The following EPB41 variants were observed in gnomAD, a reference collection of about 807,000 sequenced individuals.
EPB41 encodes protein 4.1.
Under a neutral mutation model 108.0 loss-of-function variants are expected in EPB41, and 65 were observed. That is an observed-to-expected ratio of 0.60 (90% CI 0.49 to 0.74). The LOEUF is 0.74. Among genes scored for constraint, EPB41 ranks in the 30% least tolerant of loss-of-function variants. The probability of loss-of-function intolerance (pLI) is 0.00; values close to 1 mark genes in which losing one functional copy is unlikely to be tolerated. For missense variants in EPB41, 875 were observed against 1,037.0 expected (o/e 0.84, Z 2.15); for synonymous variants, 336 against 358.9 (o/e 0.94, Z 0.72).
intron 7 of EPB41, among the ~76,000 whole-genome samples, chr1:29,020,584 A>G (rs965124680): frequency 6.6e-6 from 1 of 152,120 alleles, no homozygotes; most frequent in Admixed American, 6.5e-5. Flanking sequence ...AAAAGAAAAT[A>G]TTTTACTGCT....
At chr1:29,099,377 T>C (rs999116839) in intron 17 of EPB41, among the ~76,000 whole-genome samples, 1 of 152,048 alleles carries the variant, frequency 6.6e-6, no homozygotes, top group Non-Finnish European at 1.5e-5. Context: ...CAGGCTGAAG[T>C]GCAGGTGGCA....
chr1:29,047,790 G>T (rs553087046), intron 11 of EPB41, among the ~76,000 whole-genome samples: 18 of 150,550 alleles, frequency 1.2e-4, no homozygotes, highest in African/African-American at 2.7e-4. Context: ...ATGTATGTAT[G>T]TATGTATTTA....
chr1:28,931,991 T>A (rs1008667213), intron 1 of EPB41, among the ~76,000 whole-genome samples: 36 of 152,364 alleles, frequency 2.4e-4, no homozygotes, highest in Admixed American at 2.1e-3. Context: ...TCTTAAGAGA[T>A]GAACCAAGAG....
chr1:29,031,424 T>G (rs1358577195), intron 8 of EPB41, among the ~76,000 whole-genome samples: 1 of 152,176 alleles, frequency 6.6e-6, no homozygotes, highest in Non-Finnish European at 1.5e-5. Flanking sequence ...TAGAATGTCT[T>G]GGTTTAATGA....
intron 8 of EPB41, 44 bp downstream of exon 8, chr1:29,030,531 T>C (rs771474730): frequency 1.3e-5 from 18 of 1,347,694 alleles, no homozygotes; most frequent in Non-Finnish European, 1.8e-5. Flanking sequence ...GTGGAAGATA[T>C]TATATGATAC....
chr1:28,986,135 C>T (rs112096521), intron 1 of EPB41, among the ~76,000 whole-genome samples: 6,725 of 151,870 alleles, frequency 0.044, 215 homozygotes, highest in Non-Finnish European at 0.067. Flanking sequence ...CCAATTTCAT[C>T]CATGTCCCTA....
At position 28,997,311 on chromosome 1, in the gene EPB41, A is replaced by T; in HGVS notation, c.778A>T (p.Thr260Ser). ...TGGTCTAGCCATTTGGGATAACGCA[A>T]CCTCTAAGGTGAGGAGACTGCTTGC... is the stretch of plus-strand genomic sequence containing the variant. ...YFGLAIWDNATSKTWLDSAKE... is the reference protein window; with the variant it reads ...YFGLAIWDNASSKTWLDSAKE... The change falls in exon 4 of 21, where the codon ACC (threonine) becomes TCC (serine). Residue 260 changes from threonine (T) to serine (S), a missense_variant. By Grantham distance (58) the Thr-to-Ser change is moderately conservative. Transcript: ENST00000343067. 2 of 1,602,752 alleles carry T rather than the reference A, an allele frequency of 1.2e-6. No homozygotes were observed. Among genetic ancestry groups the T allele is most frequent in the Non-Finnish European group, 1.7e-6 (2 of 1,169,666 alleles).
At position 29,111,450 on chromosome 1, in the gene EPB41, G is replaced by T. The variant is rs1574075455; in HGVS notation, c.2416-918G>T. Among the ~76,000 whole-genome samples the T allele has an allele frequency of 2.0e-5, 3 of 151,556 alleles. No homozygotes were observed. In the Middle Eastern group the frequency reaches 0.01, roughly 519 times the overall value. On this transcript the variant is annotated intron_variant, in intron 18 of 20. Transcript: ENST00000343067. ...GGCGGGCAGATCACGAGGTCAAGAG[G>T]TCGAGACCATCCTAGCTGACAAAAA...
At chr1:29,096,950 A>C (rs1338076986) in intron 16 of EPB41, 2 of 152,202 alleles carry the variant, frequency 1.3e-5, no homozygotes, top group Non-Finnish European at 2.9e-5. Flanking sequence ...CCATGCTTAA[A>C]AAATTCAAAT....
At chr1:29,112,969 GGT>G (rs1669704175) in intron 19 of EPB41, among the ~76,000 whole-genome samples, 2 of 152,130 alleles carry the variant, frequency 1.3e-5, no homozygotes. Flanking sequence ...AGCATAGTAT[GGT>G]GGACAAGACA....
intron 11 of EPB41, among the ~76,000 whole-genome samples, chr1:29,052,885 C>G (rs1644761543): frequency 6.6e-6 from 1 of 152,154 alleles, no homozygotes; most frequent in Non-Finnish European, 1.5e-5. Context: ...ATCATTAACA[C>G]ATTTTAGCCT....
intron 15 of EPB41, 23 bp downstream of exon 15, chr1:29,060,507 TTTCAG>T: frequency 6.3e-7 from 1 of 1,598,186 alleles, no homozygotes; most frequent in Non-Finnish European, 8.6e-7. Context: ...TTGAAGCTTA[TTTCAG>T]TTGGTTGCCT....
chr1:29,069,487 C>G, intron 16 of EPB41: 1 of 1,181,312 alleles, frequency 8.5e-7, no homozygotes, highest in East Asian at 3.5e-5. Flanking sequence ...ACATTATAAA[C>G]TTTTATACTT....
intron 1 of EPB41, among the ~76,000 whole-genome samples, chr1:28,947,748 C>G (rs2094540672): frequency 6.6e-6 from 1 of 152,010 alleles, no homozygotes; most frequent in South Asian, 2.1e-4. Flanking sequence ...TCACTTGAAC[C>G]CAGGAGTCGG....
intron 1 of EPB41, among the ~76,000 whole-genome samples, chr1:28,967,831 G>C (rs1014306042): frequency 4.0e-5 from 5 of 124,262 alleles, no homozygotes; most frequent in African/African-American, 1.6e-4. Context: ...TTTTTTTTGA[G>C]TCTTCCTCTG....
At chr1:29,102,492 C>T (rs12045777) in intron 17 of EPB41, among the ~76,000 whole-genome samples, 63,637 of 152,002 alleles carry the variant, frequency 0.42, 15,142 homozygotes, top group South Asian at 0.56. Context: ...CTGCAGGACT[C>T]GGGTCAGGAG....
At chr1:28,910,746 CT>C (rs1175598138), upstream of EPB41, among the ~76,000 whole-genome samples, 1 of 151,596 alleles carries the variant, frequency 6.6e-6, no homozygotes, top group African/African-American at 2.4e-5. Flanking sequence ...TTCACACTGT[CT>C]TTTTTTTTCT....
chr1:28,952,574 C>T (rs1463212465), intron 1 of EPB41, among the ~76,000 whole-genome samples: 1 of 152,006 alleles, frequency 6.6e-6, no homozygotes, highest in Non-Finnish European at 1.5e-5. Flanking sequence ...TCATTTTAGT[C>T]AATCTGGAAA....
At chr1:29,025,751 A>G (rs369734039) in intron 7 of EPB41, among the ~76,000 whole-genome samples, 1 of 151,840 alleles carries the variant, frequency 6.6e-6, no homozygotes, top group South Asian at 2.1e-4. Flanking sequence ...CTTTCTGGCA[A>G]CATTAGGTGG....
Sources: gnomAD v4.1 joint callset for allele counts (sites outside exome capture counted in the v4.1 genomes callset) on GRCh38, gnomAD v4.1.1 for gene constraint, MANE v1.5 for transcripts, NCBI Gene and HGNC (gene_info 2026-07-23, HGNC 2026-07-21) for gene names.